Variants in ZFYVE9 observed in about 807,000 individuals in gnomAD.
ZFYVE9 encodes zinc finger FYVE domain-containing protein 9.
Under a neutral mutation model 126.7 loss-of-function variants are expected in ZFYVE9, and 43 were observed. The observed-to-expected ratio is 0.34, with a 90% confidence interval of 0.27 to 0.44. ZFYVE9 has a LOEUF of 0.44. Ranked by LOEUF, ZFYVE9 falls within the 20% of genes least tolerant of loss-of-function variation. The pLI, the probability that ZFYVE9 is intolerant of heterozygous loss-of-function variation, is 1.00. For missense variants in ZFYVE9, 1,476 were observed against 1,697.0 expected, an observed-to-expected ratio of 0.87 and a Z score of 2.29; for synonymous variants, 521 against 597.4, an observed-to-expected ratio of 0.87 and a Z score of 1.87.
chr1:52,329,207 A>C (rs1384533572), intron 13 of ZFYVE9, among the ~76,000 whole-genome samples: 2 of 152,198 alleles, frequency 1.3e-5, no homozygotes, highest in African/African-American at 4.8e-5. Context: ...GCCAATATTC[A>C]AATCATCTGT....
At chr1:52,232,303 C>G (rs991171520) in intron 2 of ZFYVE9, among the ~76,000 whole-genome samples, 1 of 152,186 alleles carries the variant, frequency 6.6e-6, no homozygotes. Flanking sequence ...GTAGCATTTA[C>G]TTAACACCTA....
chr1:52,182,339 C>T lies in ZFYVE9; in HGVS notation c.-142-34030C>T, dbSNP rs537894795. Among the ~76,000 whole-genome samples, 619 of 152,050 alleles carry T rather than the reference C, an allele frequency of 4.1e-3. 3 individuals carry two copies. Among genetic ancestry groups the T allele is most frequent in the Middle Eastern group, 0.014 (4 of 294 alleles). On this transcript the variant is annotated intron_variant, in intron 1 of 18. Transcript: ENST00000287727. The stretch of plus-strand genomic sequence containing the variant: ...AAAGGTGGGGAAAAGATTGAGAAAT[C>T]AGATGGTTGCTGTGTCTGTGTAGAA...
intron 1 of ZFYVE9, among the ~76,000 whole-genome samples, chr1:52,201,216 G>A (rs924486310): frequency 6.6e-6 from 1 of 151,982 alleles, no homozygotes; most frequent in Non-Finnish European, 1.5e-5. Context: ...TATTTATATA[G>A]AAGTATTTTG....
At chr1:52,316,165 C>CAAAAAAA (rs367815611) in intron 13 of ZFYVE9, among the ~76,000 whole-genome samples, 986 of 38,146 alleles carry the variant, frequency 0.026, 1 homozygote, top group Non-Finnish European at 0.034. Context: ...AACTCCATCT[C>CAAAAAAA]AAAAAAAAAA....
At position 52,239,094 on chromosome 1, in the gene ZFYVE9, G is replaced by T. The variant is rs1219913891; in HGVS notation, c.1677G>T (p.Gly559=). 6.2e-7 allele frequency: 1 copy of T among 1,613,954 alleles called. No individual in the cohort carries two copies. Among genetic ancestry groups the T allele is most frequent in the Non-Finnish European group, 8.5e-7 (1 of 1,180,010 alleles). ...NFCSQVPSVL[G]QSSPKVVASL... ...GTAGTCAAGTTCCATCAGTGCTTGGGCAATCTTCCCCCAAGGTAGTAGCAA... is the reference window on the plus strand; with the variant it reads ...GTAGTCAAGTTCCATCAGTGCTTGGTCAATCTTCCCCCAAGGTAGTAGCAA... The change falls in exon 4 of 19, where the codon GGG becomes GGT. Residue 559 remains glycine (G), a synonymous_variant. Transcript: ENST00000287727.
chr1:52,325,068 A>T (rs1646277858), intron 13 of ZFYVE9, among the ~76,000 whole-genome samples: 1 of 152,192 alleles, frequency 6.6e-6, no homozygotes, highest in South Asian at 2.1e-4. Flanking sequence ...TCATGAGGTC[A>T]GGAGATCAAG....
At chr1:52,173,982 T>G (rs1572073545) in intron 1 of ZFYVE9, among the ~76,000 whole-genome samples, 1 of 19,282 alleles carries the variant, frequency 5.2e-5, no homozygotes, top group Admixed American at 2.3e-3. Flanking sequence ...TTTTGAAGAG[T>G]TTTTTTTTGT....
chr1:52,342,417 T>A (rs1302053375), intron 17 of ZFYVE9, among the ~76,000 whole-genome samples: 1 of 150,532 alleles, frequency 6.6e-6, no homozygotes, highest in Non-Finnish European at 1.5e-5. Flanking sequence ...AGGCGCCCGC[T>A]ACCACGCCCG....
intron 2 of ZFYVE9, among the ~76,000 whole-genome samples, chr1:52,229,754 T>C (rs1487619053): frequency 6.6e-6 from 1 of 152,206 alleles, no homozygotes; most frequent in Non-Finnish European, 1.5e-5. Context: ...CTGATGTGTA[T>C]TTATAGATGG....
At chr1:52,331,727 G>A (rs1252717987) in intron 13 of ZFYVE9, among the ~76,000 whole-genome samples, 1 of 150,130 alleles carries the variant, frequency 6.7e-6, no homozygotes, top group African/African-American at 2.4e-5. Context: ...ATTCCAGCTT[G>A]GGCAACAGAG....
intron 15 of ZFYVE9, 107 bp downstream of exon 15, chr1:52,334,875 T>C (rs937069800): frequency 1.9e-5 from 21 of 1,098,742 alleles, no homozygotes; most frequent in Non-Finnish European, 2.7e-5. Flanking sequence ...GTTTTTTCAG[T>C]AGCATCTCTT....
At chr1:52,292,195 A>G (rs1353619258) in intron 10 of ZFYVE9, among the ~76,000 whole-genome samples, 1 of 147,664 alleles carries the variant, frequency 6.8e-6, no homozygotes, top group Non-Finnish European at 1.5e-5. Flanking sequence ...GGTGAGAGGA[A>G]TTGCTTGAAC....
intron 13 of ZFYVE9, among the ~76,000 whole-genome samples, chr1:52,328,815 G>A (rs1284792311): frequency 1.3e-5 from 2 of 152,192 alleles, no homozygotes; most frequent in East Asian, 3.8e-4. Flanking sequence ...TTATTTCAAA[G>A]TAACCTTTGG....
Position 52,238,308 on chromosome 1 carries a change from C to G in ZFYVE9, c.891C>G (p.Ile297Met). 1 of 1,613,836 alleles carries G rather than the reference C, an allele frequency of 6.2e-7. No homozygotes were observed. Among genetic ancestry groups the G allele is most frequent in the Non-Finnish European group, 8.5e-7 (1 of 1,179,970 alleles). The change falls in exon 4 of 19, where the codon ATC becomes ATG. Residue 297 changes from isoleucine (I) to methionine (M), a missense_variant. Physicochemically the swap from Ile to Met is conservative, Grantham distance 10. Coordinates refer to ENST00000287727, the MANE Select transcript of ZFYVE9 (RefSeq NM_004799.4). The part of the protein sequence containing the change: ...YIPDEDLTGK[I>M]SSPRTDLGSP... The stretch of plus-strand genomic sequence containing the variant: ...CAGATGAGGACCTCACTGGCAAAAT[C>G]AGCTCTCCTAGGACAGATCTAGGGA...
intron 4 of ZFYVE9, among the ~76,000 whole-genome samples, chr1:52,255,164 C>A (rs562976821): frequency 4.8e-4 from 73 of 151,420 alleles, no homozygotes; most frequent in African/African-American, 1.5e-3. Flanking sequence ...AAAATTATTA[C>A]AAGGCAGTGT....
chr1:52,193,707 CAAAAAA>C (rs771434275), intron 1 of ZFYVE9, among the ~76,000 whole-genome samples: 4 of 56,402 alleles, frequency 7.1e-5, no homozygotes, highest in South Asian at 1.9e-3. Flanking sequence ...AACTCTGTCT[CAAAAAA>C]AAAAAAAAAA....
chr1:52,249,353 G>A (rs1645421271), intron 4 of ZFYVE9, among the ~76,000 whole-genome samples: 1 of 152,110 alleles, frequency 6.6e-6, no homozygotes. Flanking sequence ...GTGTGAAGTG[G>A]TATCTCATTG....
intron 17 of ZFYVE9, among the ~76,000 whole-genome samples, chr1:52,342,930 G>A (rs374771137): frequency 4.7e-5 from 7 of 148,932 alleles, no homozygotes; most frequent in Non-Finnish European, 8.9e-5. Flanking sequence ...TTTTTGAGAC[G>A]GAGTCTCACT....
intron 4 of ZFYVE9, chr1:52,253,798 C>A: frequency 6.3e-7 from 1 of 1,599,726 alleles, no homozygotes; most frequent in South Asian, 1.1e-5. Flanking sequence ...AGATGGCTCC[C>A]AGCCTCATTT....
Sources: allele counts gnomAD v4.1 joint callset (sites outside exome capture counted in the v4.1 genomes callset), GRCh38; gene constraint gnomAD v4.1.1; transcripts MANE v1.5; gene names NCBI Gene and HGNC (gene_info 2026-07-23, HGNC 2026-07-21).